The following LRRC4C variants were observed in gnomAD, a reference collection of about 807,000 sequenced individuals.
LRRC4C encodes the protein leucine-rich repeat-containing protein 4C.
Under a neutral mutation model 33.6 loss-of-function variants are expected in LRRC4C, and 5 were observed. The ratio of observed to expected loss-of-function variants is 0.15; its 90% CI spans 0.08 to 0.31. The LOEUF is 0.31. Among genes scored for constraint, LRRC4C ranks in the 10% least tolerant of loss-of-function variants. LRRC4C has a pLI of 1.00. For missense variants in LRRC4C, 560 were observed against 796.7 expected, an observed-to-expected ratio of 0.70 and a Z score of 3.58; for synonymous variants, 329 against 302.0, an observed-to-expected ratio of 1.09 and a Z score of -0.93.
chr11:40,618,799 A>G (rs6485209), intron 3 of LRRC4C, among the ~76,000 whole-genome samples: 5,700 of 151,850 alleles, frequency 0.038, 348 homozygotes, highest in African/African-American at 0.13. Context: ...TCCACAGGGA[A>G]AACGACACTT....
intron 3 of LRRC4C, among the ~76,000 whole-genome samples, chr11:40,351,148 T>C (rs979789322): frequency 5.3e-5 from 8 of 152,086 alleles, no homozygotes; most frequent in African/African-American, 1.9e-4. Context: ...TGGGCATCCT[T>C]GACTGATCCA....
chr11:40,807,273 A>G (rs984431780), intron 2 of LRRC4C, among the ~76,000 whole-genome samples: 1 of 152,126 alleles, frequency 6.6e-6, no homozygotes, highest in Admixed American at 6.6e-5. Flanking sequence ...TAATTTTCAC[A>G]CTGTACCCTG....
intron 5 of LRRC4C, among the ~76,000 whole-genome samples, chr11:40,173,495 A>C (rs947958523): frequency 1.3e-5 from 2 of 152,218 alleles, no homozygotes; most frequent in African/African-American, 4.8e-5. Flanking sequence ...AAAGATAATG[A>C]ACACAAATAC....
intron 1 of LRRC4C, among the ~76,000 whole-genome samples, chr11:40,981,413 CA>C (rs113295551): frequency 0.058 from 6,817 of 117,576 alleles, 211 homozygotes; most frequent in African/African-American, 0.12. Context: ...GACTCCGTCT[CA>C]AAAAAAAAAA....
At chr11:41,382,185 A>G (rs1360160203) in intron 1 of LRRC4C, among the ~76,000 whole-genome samples, 1 of 152,058 alleles carries the variant, frequency 6.6e-6, no homozygotes, top group East Asian at 1.9e-4. Flanking sequence ...AAGATTACCA[A>G]TAACAATCAG....
At chr11:40,329,459 G>T (rs1946249575) in intron 3 of LRRC4C, among the ~76,000 whole-genome samples, 2 of 152,150 alleles carry the variant, frequency 1.3e-5, no homozygotes, top group Non-Finnish European at 2.9e-5. Flanking sequence ...AAAGCAAACA[G>T]ACTTTGAGAC....
chr11:40,632,799 A>C (rs756087795), intron 3 of LRRC4C, among the ~76,000 whole-genome samples: 1 of 152,152 alleles, frequency 6.6e-6, no homozygotes, highest in Non-Finnish European at 1.5e-5. Context: ...GTTTTTCTCT[A>C]CTGTGGGCAG....
At chr11:40,872,084 C>T (rs1302400151) in intron 2 of LRRC4C, among the ~76,000 whole-genome samples, 4 of 152,062 alleles carry the variant, frequency 2.6e-5, no homozygotes, top group Admixed American at 2.0e-4. Flanking sequence ...CTACTCTAAA[C>T]GAGTTTCCTG....
chr11:40,522,100 G>T (rs529428290), intron 3 of LRRC4C, among the ~76,000 whole-genome samples: 39 of 152,226 alleles, frequency 2.6e-4, no homozygotes, highest in African/African-American at 8.2e-4. Flanking sequence ...TCGGCCCACT[G>T]CAACCTCTGC....
chr11:41,231,848 T>G (rs1484948658), intron 1 of LRRC4C, among the ~76,000 whole-genome samples: 1 of 151,844 alleles, frequency 6.6e-6, no homozygotes, highest in Non-Finnish European at 1.5e-5. Flanking sequence ...TACACACATA[T>G]AGAAAGAGTA....
At chr11:41,074,241 C>T (rs565821894) in intron 1 of LRRC4C, among the ~76,000 whole-genome samples, 1 of 152,284 alleles carries the variant, frequency 6.6e-6, no homozygotes, top group Admixed American at 6.5e-5. Context: ...AACCCCTTCA[C>T]TAACCTCAGG....
chr11:41,433,298 A>G (rs906721021), intron 1 of LRRC4C, among the ~76,000 whole-genome samples: 1 of 152,164 alleles, frequency 6.6e-6, no homozygotes, highest in African/African-American at 2.4e-5. Context: ...TCCCTCTATA[A>G]TTTTAATCAT....
chr11:41,088,840 T>C (rs575449504), intron 1 of LRRC4C, among the ~76,000 whole-genome samples: 2 of 152,148 alleles, frequency 1.3e-5, no homozygotes, highest in South Asian at 2.1e-4. Flanking sequence ...AATACTAATG[T>C]ACATTTATTT....
chr11:40,500,564 A>G (rs1954710933), intron 3 of LRRC4C, among the ~76,000 whole-genome samples: 1 of 151,936 alleles, frequency 6.6e-6, no homozygotes, highest in African/African-American at 2.4e-5. Context: ...TGGCAGCAAG[A>G]GAGAATGAGG....
intron 2 of LRRC4C, among the ~76,000 whole-genome samples, chr11:40,654,676 C>T (rs529530071): frequency 6.6e-6 from 1 of 151,902 alleles, no homozygotes; most frequent in Non-Finnish European, 1.5e-5. Context: ...GGGTTAATAC[C>T]GAATTAAGAC....
intron 5 of LRRC4C, among the ~76,000 whole-genome samples, chr11:40,160,259 A>G (rs1859049355): frequency 6.6e-6 from 1 of 152,020 alleles, no homozygotes; most frequent in Non-Finnish European, 1.5e-5. Context: ...CTGACTCTCA[A>G]TTTTGTAGAG....
At chr11:40,799,668 C>T (rs1012166605) in intron 2 of LRRC4C, among the ~76,000 whole-genome samples, 9 of 152,154 alleles carry the variant, frequency 5.9e-5, no homozygotes, top group Non-Finnish European at 1.0e-4. Flanking sequence ...AGGGGTTTTG[C>T]CATGTTGGCC....
intron 1 of LRRC4C, among the ~76,000 whole-genome samples, chr11:41,380,235 A>G (rs143959613): frequency 6.6e-6 from 1 of 152,292 alleles, no homozygotes; most frequent in Non-Finnish European, 1.5e-5. Flanking sequence ...TATGTTTTGC[A>G]CTGTAGTTGA....
chr11:40,708,307 G>A (rs1305438380), intron 2 of LRRC4C, among the ~76,000 whole-genome samples: 1 of 151,904 alleles, frequency 6.6e-6, no homozygotes, highest in Non-Finnish European at 1.5e-5. Flanking sequence ...GTGATGTTAG[G>A]GCATCAATTT....
Sources: gnomAD v4.1 joint callset for allele counts (sites outside exome capture counted in the v4.1 genomes callset) on GRCh38, gnomAD v4.1.1 for gene constraint, MANE v1.5 for transcripts, NCBI Gene and HGNC (gene_info 2026-07-23, HGNC 2026-07-21) for gene names.